The following DAB1 variants were observed in gnomAD, a reference collection of about 807,000 sequenced individuals.
DAB1 encodes the protein disabled homolog 1.
In DAB1, 15 loss-of-function variants were observed where a neutral mutation model predicts 64.6. That is an observed-to-expected ratio of 0.23 (90% CI 0.16 to 0.36). DAB1 has a LOEUF of 0.36. Among genes scored for constraint, DAB1 ranks in the 10% least tolerant of loss-of-function variants. The probability of loss-of-function intolerance (pLI) is 1.00; values close to 1 mark genes in which losing one functional copy is unlikely to be tolerated. For missense variants in DAB1, 596 were observed against 706.7 expected, an observed-to-expected ratio of 0.84 and a Z score of 1.78; for synonymous variants, 235 against 251.9, an observed-to-expected ratio of 0.93 and a Z score of 0.64.
At chr1:57,776,138 A>G (rs1649788240) in intron 6 of DAB1, among the ~76,000 whole-genome samples, 1 of 151,738 alleles carries the variant, frequency 6.6e-6, no homozygotes, top group Non-Finnish European at 1.5e-5. Flanking sequence ...AAGGTTGAGT[A>G]TCCCTAATCT....
chr1:57,284,426 T>C (rs1672150518), intron 2 of DAB1, among the ~76,000 whole-genome samples: 1 of 152,192 alleles, frequency 6.6e-6, no homozygotes, highest in Non-Finnish European at 1.5e-5. Flanking sequence ...AACTAATTAA[T>C]TAATGATGCC....
chr1:57,707,146 C>T (rs935621238), intron 6 of DAB1, among the ~76,000 whole-genome samples: 11 of 152,130 alleles, frequency 7.2e-5, no homozygotes, highest in South Asian at 2.1e-4. Context: ...ACCATCCTCA[C>T]GCCCTCCTAC....
In DAB1 at chr1:57,764,645, G is replaced by A. The variant is rs577808401; in HGVS notation, n.552-114980C>T. The stretch of plus-strand genomic sequence containing the variant: ...ACTTTTTACTTCCATAAGATCAGTG[G>A]TTTTTAGCTTCCACATATGAGTGAG... On this transcript the variant is annotated intron_variant and non_coding_transcript_variant, in intron 6 of 20. Transcript: ENST00000485760. Among the ~76,000 whole-genome samples, 6 of 152,214 alleles carry A rather than the reference G, an allele frequency of 3.9e-5. No homozygotes were observed. The South Asian group carries it at 1.0e-3, about 26-fold the overall frequency.
At chr1:57,263,139 G>A (rs932746576) in intron 2 of DAB1, among the ~76,000 whole-genome samples, 4 of 149,810 alleles carry the variant, frequency 2.7e-5, no homozygotes, top group African/African-American at 4.9e-5. Context: ...TTTTTGAGAC[G>A]GAGTCTCGCT....
intron 4 of DAB1, among the ~76,000 whole-genome samples, chr1:58,194,252 C>A (rs1657547647): frequency 6.6e-6 from 1 of 152,224 alleles, no homozygotes; most frequent in Admixed American, 6.5e-5. Flanking sequence ...AATTCTGACT[C>A]CAGCACTGTT....
intron 7 of DAB1, among the ~76,000 whole-genome samples, chr1:57,535,052 C>A (rs1220166382): frequency 6.6e-6 from 1 of 152,198 alleles, no homozygotes; most frequent in Admixed American, 6.5e-5. Context: ...TATCCTCAGG[C>A]TTCATCTTAA....
chr1:57,279,124 A>T (rs959041991), intron 2 of DAB1, among the ~76,000 whole-genome samples: 2 of 152,206 alleles, frequency 1.3e-5, no homozygotes, highest in Non-Finnish European at 2.9e-5. Flanking sequence ...TGCTTGCTCC[A>T]AATTAAGAGA....
At chr1:58,346,364 T>C (rs996305031) in intron 3 of DAB1, among the ~76,000 whole-genome samples, 8 of 152,248 alleles carry the variant, frequency 5.3e-5, no homozygotes, top group Non-Finnish European at 1.0e-4. Flanking sequence ...TGTGTGCCGG[T>C]GCTCGTTATT....
chr1:57,371,615 C>T (rs1047627349), intron 1 of DAB1, among the ~76,000 whole-genome samples: 1 of 152,150 alleles, frequency 6.6e-6, no homozygotes, highest in African/African-American at 2.4e-5. Context: ...CATGGGGAAA[C>T]AAAACTCACA....
At chr1:57,622,422 G>C (rs1296623878) in intron 7 of DAB1, among the ~76,000 whole-genome samples, 1 of 152,180 alleles carries the variant, frequency 6.6e-6, no homozygotes, top group East Asian at 1.9e-4. Context: ...CTGTGGATGA[G>C]ATATTAAATG....
At chr1:57,368,381 G>A (rs538691175) in intron 1 of DAB1, among the ~76,000 whole-genome samples, 52 of 152,250 alleles carry the variant, frequency 3.4e-4, no homozygotes, top group South Asian at 1.2e-3. Flanking sequence ...CCAGTCCCAC[G>A]AACCAGAGTG....
chr1:57,729,257 T>C (rs190443181), intron 6 of DAB1, among the ~76,000 whole-genome samples: 1 of 152,238 alleles, frequency 6.6e-6, no homozygotes, highest in Non-Finnish European at 1.5e-5. Flanking sequence ...AGATCTGGCA[T>C]CCAGAAGCAA....
chr1:57,060,899 A>T (rs1381936485), intron 9 of DAB1, among the ~76,000 whole-genome samples: 1 of 151,988 alleles, frequency 6.6e-6, no homozygotes, highest in Non-Finnish European at 1.5e-5. Flanking sequence ...AATCATTAAT[A>T]AATTCACAAA....
chr1:57,542,044 T>C (rs1401567990), intron 7 of DAB1, among the ~76,000 whole-genome samples: 1 of 152,174 alleles, frequency 6.6e-6, no homozygotes, highest in Non-Finnish European at 1.5e-5. Context: ...TTGGGAAATA[T>C]TCCCATTTTA....
At chr1:57,146,073 T>G (rs1187453848) in intron 2 of DAB1, among the ~76,000 whole-genome samples, 2 of 152,190 alleles carry the variant, frequency 1.3e-5, no homozygotes, top group Non-Finnish European at 2.9e-5. Flanking sequence ...ATTAAGATAA[T>G]ATTTTGCTAA....
intron 1 of DAB1, among the ~76,000 whole-genome samples, chr1:57,877,151 T>C (rs1313458925): frequency 1.3e-5 from 2 of 152,168 alleles, no homozygotes; most frequent in African/African-American, 4.8e-5. Context: ...CTTTTACAAA[T>C]GAGGTTCAGA....
At chr1:58,095,369 A>G (rs531694472) in intron 5 of DAB1, among the ~76,000 whole-genome samples, 5 of 152,326 alleles carry the variant, frequency 3.3e-5, no homozygotes, top group Admixed American at 2.6e-4. Context: ...AGGGATCGGT[A>G]TAAGTACTAT....
intron 5 of DAB1, among the ~76,000 whole-genome samples, chr1:58,070,116 G>T (rs1306555992): frequency 2.0e-5 from 3 of 152,174 alleles, no homozygotes; most frequent in African/African-American, 7.2e-5. Context: ...GATGCTTGCT[G>T]CCCTAATTAT....
chr1:57,233,188 A>G (rs2100439223), intron 2 of DAB1, among the ~76,000 whole-genome samples: 1 of 149,686 alleles, frequency 6.7e-6, no homozygotes, highest in East Asian at 2.0e-4. Context: ...GCCTTCCTCC[A>G]GCAGCTCTGT....
Sources: allele counts gnomAD v4.1 joint callset (sites outside exome capture counted in the v4.1 genomes callset), GRCh38; gene constraint gnomAD v4.1.1; transcripts MANE v1.5; gene names NCBI Gene and HGNC (gene_info 2026-07-23, HGNC 2026-07-21).